ARHGAP12: variants seen among roughly 807,000 people sequenced by gnomAD.
ARHGAP12 encodes Rho GTPase activating protein 12, also known as rho GTPase-activating protein 12.
In ARHGAP12, 64 loss-of-function variants were observed where a neutral mutation model predicts 108.6. That is an observed-to-expected ratio of 0.59 (90% CI 0.48 to 0.73). ARHGAP12 has a LOEUF of 0.73. Ranked by LOEUF, ARHGAP12 falls within the 30% of genes least tolerant of loss-of-function variation. The probability of loss-of-function intolerance (pLI) is 0.00; values close to 1 mark genes in which losing one functional copy is unlikely to be tolerated. For synonymous variants in ARHGAP12, 312 were observed against 337.2 expected (o/e 0.93, Z 0.82); for missense variants, 940 against 1,005.9 (o/e 0.93, Z 0.89).
intron 3 of ARHGAP12, among the ~76,000 whole-genome samples, chr10:31,866,204 A>C (rs562854862): frequency 1.3e-5 from 2 of 152,356 alleles, no homozygotes; most frequent in South Asian, 4.1e-4. Flanking sequence ...GAAAATTTCA[A>C]AAGAAGGGAA....
chr10:31,894,154 AAAAACTGGAAGCATTCCCTTTG>A (rs1469111216), intron 3 of ARHGAP12, among the ~76,000 whole-genome samples: 2 of 152,238 alleles, frequency 1.3e-5, no homozygotes, highest in African/African-American at 2.4e-5. Flanking sequence ...GTGAATGGGC[AAAAACTGGAAGCATTCCCTTTG>A]AAAACTGGCA....
intron 11 of ARHGAP12, among the ~76,000 whole-genome samples, chr10:31,821,713 A>C (rs1225460680): frequency 1.3e-5 from 2 of 152,212 alleles, no homozygotes; most frequent in Non-Finnish European, 2.9e-5. Context: ...TTAGGATTAC[A>C]TAAAATTTAT....
intron 3 of ARHGAP12, among the ~76,000 whole-genome samples, chr10:31,885,336 T>A (rs986411383): frequency 3.9e-5 from 6 of 152,204 alleles, no homozygotes; most frequent in African/African-American, 1.4e-4. Flanking sequence ...AAAGCAGCTG[T>A]GAAGAAAACA....
chr10:31,906,012 G>C (rs892889168), intron 3 of ARHGAP12, among the ~76,000 whole-genome samples: 1 of 151,990 alleles, frequency 6.6e-6, no homozygotes, highest in Non-Finnish European at 1.5e-5. Context: ...CAATCAATAG[G>C]ATATGACAGT....
intron 4 of ARHGAP12, among the ~76,000 whole-genome samples, chr10:31,859,598 C>T (rs1433095972): frequency 8.5e-6 from 1 of 118,098 alleles, no homozygotes; most frequent in Non-Finnish European, 2.0e-5. Flanking sequence ...TAATTGAGAC[C>T]CTGTATACAT....
chr10:31,926,728 G>T (rs11595440), intron 1 of ARHGAP12, among the ~76,000 whole-genome samples: 1 of 151,942 alleles, frequency 6.6e-6, no homozygotes, highest in Non-Finnish European at 1.5e-5. Flanking sequence ...CTTTCTATCA[G>T]CCTACTAAAA....
chr10:31,831,766 T>C lies in ARHGAP12; in HGVS notation c.1421A>G (p.Lys474Arg). 6.3e-7 allele frequency: 1 copy of C among 1,581,814 alleles called. No individual in the cohort carries two copies. Among genetic ancestry groups the C allele is most frequent in the Admixed American group, 1.7e-5 (1 of 59,266 alleles). The stretch of plus-strand genomic sequence containing the variant: ...AACCTTTTTCCCATTTTCAGCAATT[T>C]TTGTTACATTTAATAATCCATATTT... ...QEKYGLLNVT[K>R]IAENGKKVRK... is the part of the protein sequence containing the mutation. The change falls in exon 10 of 20, where the codon AAA becomes AGA. Residue 474 changes from lysine to arginine, a missense_variant. Lys to Arg is a conservative substitution (Grantham distance 26). Transcript: ENST00000344936.
chr10:31,811,543 T>A, intron 15 of ARHGAP12, among the ~76,000 whole-genome samples: 1 of 31,214 alleles, frequency 3.2e-5, no homozygotes, highest in South Asian at 8.5e-4. Context: ...TTTGCCAGGC[T>A]TTTTTTTTTT....
At chr10:31,850,825 G>A (rs774473764) in intron 6 of ARHGAP12, among the ~76,000 whole-genome samples, 5 of 152,044 alleles carry the variant, frequency 3.3e-5, no homozygotes, top group Non-Finnish European at 5.9e-5. Flanking sequence ...CAACTTCAAA[G>A]TTTCAAGGAT....
At chr10:31,857,452 C>A (rs1007711322) in intron 4 of ARHGAP12, among the ~76,000 whole-genome samples, 15 of 151,978 alleles carry the variant, frequency 9.9e-5, no homozygotes, top group Admixed American at 5.9e-4. Context: ...GGATGAACAG[C>A]GTGAGGTTAA....
intron 1 of ARHGAP12, among the ~76,000 whole-genome samples, chr10:31,917,931 G>T (rs1207733958): frequency 6.6e-6 from 1 of 151,780 alleles, no homozygotes; most frequent in East Asian, 1.9e-4. Flanking sequence ...CTTTATGGTG[G>T]GTTTATTGGA....
At chr10:31,889,713 G>A (rs1838341308) in intron 3 of ARHGAP12, among the ~76,000 whole-genome samples, 1 of 125,592 alleles carries the variant, frequency 8.0e-6, no homozygotes, top group African/African-American at 3.1e-5. Flanking sequence ...TGCAACCTTT[G>A]CCTCCTGGGT....
intron 3 of ARHGAP12, among the ~76,000 whole-genome samples, chr10:31,872,766 G>C (rs1161963711): frequency 6.6e-6 from 1 of 152,146 alleles, no homozygotes; most frequent in Non-Finnish European, 1.5e-5. Context: ...CAAGGACCTT[G>C]AAAGAGAACT....
intron 3 of ARHGAP12, among the ~76,000 whole-genome samples, chr10:31,905,110 A>G (rs761276167): frequency 3.3e-5 from 5 of 152,208 alleles, no homozygotes; most frequent in South Asian, 4.1e-4. Flanking sequence ...GAATATATAC[A>G]TAAGTAAAAA....
At chr10:31,859,514 T>C (rs1480033198) in intron 4 of ARHGAP12, among the ~76,000 whole-genome samples, 1 of 152,230 alleles carries the variant, frequency 6.6e-6, no homozygotes, top group Non-Finnish European at 1.5e-5. Flanking sequence ...ACAACTTTTC[T>C]CAAGAAGTCG....
intron 3 of ARHGAP12, among the ~76,000 whole-genome samples, chr10:31,876,981 C>T (rs1233374145): frequency 6.6e-6 from 1 of 152,204 alleles, no homozygotes; most frequent in Non-Finnish European, 1.5e-5. Context: ...CATCTGAAGA[C>T]TCAATATCCT....
At chr10:31,865,124 CAG>C (rs763449976) in intron 3 of ARHGAP12, among the ~76,000 whole-genome samples, 4 of 152,152 alleles carry the variant, frequency 2.6e-5, no homozygotes, top group Admixed American at 1.3e-4. Context: ...AGTAACAGCA[CAG>C]AGAGTTTGAA....
At chr10:31,818,008 A>C (rs1179961200) in intron 12 of ARHGAP12, 122 bp from the exon 13 acceptor site, 6 of 690,766 alleles carry the variant, frequency 8.7e-6, no homozygotes, top group Admixed American at 2.9e-5. Flanking sequence ...ATTATGTAAC[A>C]ATGATGCAAG....
At chr10:31,862,695 TGCACACACAG>T (rs1837161121) in intron 3 of ARHGAP12, among the ~76,000 whole-genome samples, 1 of 130,232 alleles carries the variant, frequency 7.7e-6, no homozygotes, top group Non-Finnish European at 1.6e-5. Context: ...CAGTGGCGCA[TGCACACACAG>T]ACACACACAC....
Sources: gnomAD v4.1 joint callset for allele counts (sites outside exome capture counted in the v4.1 genomes callset) on GRCh38, gnomAD v4.1.1 for gene constraint, MANE v1.5 for transcripts, NCBI Gene and HGNC (gene_info 2026-07-23, HGNC 2026-07-21) for gene names.